ERBB4: variants seen among roughly 807,000 people sequenced by gnomAD.
ERBB4 encodes the protein erb-b2 receptor tyrosine kinase 4, also known as receptor tyrosine-protein kinase erbB-4.
Under a neutral mutation model 158.0 loss-of-function variants are expected in ERBB4, and 42 were observed. The ratio of observed to expected loss-of-function variants is 0.27; its 90% CI spans 0.21 to 0.34. The LOEUF (loss-of-function observed/expected upper bound fraction) is 0.34, where lower values mean the gene tolerates loss of function less well. Ranked by LOEUF, ERBB4 falls within the 10% of genes least tolerant of loss-of-function variation. The pLI is 1.00. For synonymous variants in ERBB4, 583 were observed against 558.7 expected (o/e 1.04, Z -0.61); for missense variants, 1,333 against 1,624.1 (o/e 0.82, Z 3.08).
At chr2:212,171,206 T>C (rs1313193932) in intron 1 of ERBB4, among the ~76,000 whole-genome samples, 1 of 152,146 alleles carries the variant, frequency 6.6e-6, no homozygotes, top group African/African-American at 2.4e-5. Flanking sequence ...ACTGCCCTGC[T>C]GGATTTCAGA....
At chr2:211,521,357 G>C (rs542361902) in intron 20 of ERBB4, among the ~76,000 whole-genome samples, 2 of 152,248 alleles carry the variant, frequency 1.3e-5, no homozygotes, top group East Asian at 3.9e-4. Context: ...CATTCATCTA[G>C]ACCAAAGCCT....
intron 1 of ERBB4, among the ~76,000 whole-genome samples, chr2:212,129,797 T>C (rs553473032): frequency 1.1e-3 from 160 of 152,196 alleles, no homozygotes; most frequent in Non-Finnish European, 1.8e-3. Flanking sequence ...CCAAACATTC[T>C]AGTCTTTGCA....
chr2:212,157,466 T>C (rs758576302), intron 1 of ERBB4, among the ~76,000 whole-genome samples: 27 of 152,126 alleles, frequency 1.8e-4, no homozygotes, highest in Non-Finnish European at 3.5e-4. Context: ...TAATCTGAGA[T>C]TAAACCCAGG....
Position 211,985,774 on chromosome 2 carries a change from T to C in ERBB4, c.235-38158A>G, listed in dbSNP as rs535726976. On this transcript the variant is annotated intron_variant, in intron 2 of 27. Transcript: ENST00000342788. ...AAAAATACTCAAATAATTCCAAATC[T>C]TATGGGCAGTCATACTAAAAATCTT... Among the ~76,000 whole-genome samples, 3 of 152,166 alleles carry C rather than the reference T, an allele frequency of 2.0e-5. 1 individual carries two copies. In the South Asian group the frequency reaches 6.2e-4, roughly 32 times the overall value.
chr2:211,748,430 G>C (rs572925520), intron 5 of ERBB4, among the ~76,000 whole-genome samples: 62 of 152,296 alleles, frequency 4.1e-4, no homozygotes, highest in African/African-American at 1.4e-3. Flanking sequence ...TCTGAAAGGT[G>C]GTGGGAGGAA....
intron 1 of ERBB4, among the ~76,000 whole-genome samples, chr2:212,400,410 A>C (rs894352679): frequency 4.6e-5 from 7 of 152,186 alleles, no homozygotes; most frequent in Non-Finnish European, 8.8e-5. Flanking sequence ...GAAAGACAGG[A>C]GGTGTCAAGA....
chr2:212,047,629 C>T (rs2077289951), intron 2 of ERBB4, among the ~76,000 whole-genome samples: 1 of 149,544 alleles, frequency 6.7e-6, no homozygotes, highest in African/African-American at 2.5e-5. Flanking sequence ...CCCACCACCA[C>T]ACTTGGCTAA....
chr2:212,335,267 A>G (rs1398862773), intron 1 of ERBB4, among the ~76,000 whole-genome samples: 1 of 151,946 alleles, frequency 6.6e-6, no homozygotes, highest in South Asian at 2.1e-4. Context: ...TTGAAAATCC[A>G]TATTATATAA....
intron 3 of ERBB4, among the ~76,000 whole-genome samples, chr2:211,917,937 T>C (rs1282312222): frequency 6.6e-6 from 1 of 152,046 alleles, no homozygotes; most frequent in African/African-American, 2.4e-5. Flanking sequence ...CACTTAAGAG[T>C]CCACTGGGGG....
intron 7 of ERBB4, among the ~76,000 whole-genome samples, chr2:211,718,254 A>G (rs971897743): frequency 6.6e-6 from 1 of 152,170 alleles, no homozygotes; most frequent in African/African-American, 2.4e-5. Context: ...AGAAGAAAAA[A>G]TAGAGAACAA....
At chr2:212,235,554 T>C (rs1038866574) in intron 1 of ERBB4, among the ~76,000 whole-genome samples, 2 of 152,168 alleles carry the variant, frequency 1.3e-5, no homozygotes, top group Non-Finnish European at 2.9e-5. Flanking sequence ...ATAAATTACT[T>C]TGGGCAGTTT....
chr2:211,744,354 G>C (rs1559479481), intron 5 of ERBB4, among the ~76,000 whole-genome samples: 1 of 152,134 alleles, frequency 6.6e-6, no homozygotes, highest in Non-Finnish European at 1.5e-5. Context: ...ATTTCTGTCT[G>C]GTAGGTTTGC....
At chr2:211,428,243 AT>A (rs1553530916) in intron 22 of ERBB4, among the ~76,000 whole-genome samples, 164 bp downstream of exon 22, 246 of 147,820 alleles carry the variant, frequency 1.7e-3, no homozygotes, top group Admixed American at 1.9e-3. Flanking sequence ...AAAATAAAAT[AT>A]TTTTTTTTCA....
intron 2 of ERBB4, among the ~76,000 whole-genome samples, chr2:212,035,065 G>C (rs1229562087): frequency 6.6e-6 from 1 of 152,162 alleles, no homozygotes; most frequent in Non-Finnish European, 1.5e-5. Context: ...TTCATTCAGA[G>C]GCTAATAGTT....
intron 1 of ERBB4, among the ~76,000 whole-genome samples, chr2:212,330,276 G>C (rs1012154075): frequency 6.6e-6 from 1 of 151,920 alleles, no homozygotes; most frequent in South Asian, 2.1e-4. Flanking sequence ...AGTGTTATGA[G>C]TTAAGCAGTA....
intron 1 of ERBB4, among the ~76,000 whole-genome samples, chr2:212,489,051 A>G (rs1309514147): frequency 6.6e-6 from 1 of 151,240 alleles, no homozygotes; most frequent in East Asian, 1.9e-4. Flanking sequence ...AGTTAATTGC[A>G]CATTCCCATA....
At chr2:211,830,564 T>C (rs1003556465) in intron 3 of ERBB4, among the ~76,000 whole-genome samples, 5 of 152,190 alleles carry the variant, frequency 3.3e-5, no homozygotes, top group Non-Finnish European at 5.9e-5. Flanking sequence ...TTTAGTTAAC[T>C]TTATAGTAGC....
intron 1 of ERBB4, among the ~76,000 whole-genome samples, chr2:212,143,846 T>C (rs1366865882): frequency 2.6e-5 from 4 of 151,716 alleles, no homozygotes; most frequent in Non-Finnish European, 5.9e-5. Context: ...TGAAAGCCCA[T>C]CTCTACTGAA....
At chr2:212,022,430 G>A (rs1261418143) in intron 2 of ERBB4, among the ~76,000 whole-genome samples, 1 of 152,058 alleles carries the variant, frequency 6.6e-6, no homozygotes, top group Non-Finnish European at 1.5e-5. Context: ...ATTAAAGCAG[G>A]AACAGAAAAC....
Sources: gnomAD v4.1 joint callset for allele counts (sites outside exome capture counted in the v4.1 genomes callset) on GRCh38, gnomAD v4.1.1 for gene constraint, MANE v1.5 for transcripts, NCBI Gene and HGNC (gene_info 2026-07-23, HGNC 2026-07-21) for gene names.